Variants in NRXN3 observed in about 807,000 individuals in gnomAD.
NRXN3 encodes neurexin 3.
Under a neutral mutation model 137.6 loss-of-function variants are expected in NRXN3, and 32 were observed. The observed-to-expected ratio is 0.23, with a 90% CI of 0.18 to 0.31. The LOEUF is 0.31. NRXN3 is among the 10% of genes least tolerant of loss of function. NRXN3 has a pLI of 1.00. For missense variants in NRXN3, 1,574 were observed against 2,062.5 expected (o/e 0.76, Z 4.59); for synonymous variants, 798 against 784.5 (o/e 1.02, Z -0.29).
intron 4 of NRXN3, among the ~76,000 whole-genome samples, chr14:78,567,588 G>A (rs2096848033): frequency 6.6e-6 from 1 of 152,156 alleles, no homozygotes; most frequent in Non-Finnish European, 1.5e-5. Flanking sequence ...GCCAGTGAGT[G>A]TCTCCTAGTT....
intron 1 of NRXN3, chr14:78,231,297 G>A (rs2065357806): frequency 6.6e-6 from 1 of 152,274 alleles, no homozygotes; most frequent in Admixed American, 6.5e-5. Context: ...TTTGGCAGAG[G>A]TCAGGGGTGT....
chr14:78,720,379 A>G (rs1430830622), intron 8 of NRXN3, among the ~76,000 whole-genome samples: 1 of 152,202 alleles, frequency 6.6e-6, no homozygotes, highest in African/African-American at 2.4e-5. Flanking sequence ...ATTCTTGAAT[A>G]TACTGGAAGA....
chr14:78,255,489 T>C (rs571686536), intron 2 of NRXN3, among the ~76,000 whole-genome samples: 1 of 152,386 alleles, frequency 6.6e-6, no homozygotes, highest in East Asian at 1.9e-4. Context: ...AGATTGGGGC[T>C]ATTTTTTCCT....
intron 16 of NRXN3, among the ~76,000 whole-genome samples, chr14:79,584,850 G>A (rs1156441456): frequency 1.3e-5 from 2 of 152,138 alleles, no homozygotes; most frequent in Non-Finnish European, 2.9e-5. Flanking sequence ...GCATGAATCA[G>A]CAGGAGAGAG....
chr14:78,211,989 A>G (rs1324065341), intron 1 of NRXN3, among the ~76,000 whole-genome samples: 2 of 152,182 alleles, frequency 1.3e-5, no homozygotes, highest in African/African-American at 4.8e-5. Flanking sequence ...TTTAGAAAGT[A>G]TGGGAGCTTC....
In NRXN3 at chr14:78,976,170, G is replaced by A. The variant is rs370720527; in HGVS notation, c.3142+7824G>A. Among the ~76,000 whole-genome samples, 3 of 152,352 alleles carry A rather than the reference G, an allele frequency of 2.0e-5. No individual in the cohort carries two copies. The East Asian group carries it at 5.8e-4, about 29-fold the overall frequency. ...AAATATTAAGATTGACCTGTTTGGT[G>A]TGAGGCAGATGACATAAATTATGAG... On this transcript the variant is annotated intron_variant, in intron 14 of 20. Coordinates refer to ENST00000335750, the MANE Select transcript of NRXN3 (RefSeq NM_001330195.2).
chr14:78,556,033 G>A (rs1044310835), intron 4 of NRXN3, among the ~76,000 whole-genome samples: 1 of 152,214 alleles, frequency 6.6e-6, no homozygotes, highest in African/African-American at 2.4e-5. Context: ...CAAAGGCAAG[G>A]TTCCTATGTG....
chr14:78,178,941 T>C (rs1372158947), intron 1 of NRXN3, among the ~76,000 whole-genome samples: 2 of 152,070 alleles, frequency 1.3e-5, no homozygotes, highest in East Asian at 1.9e-4. Flanking sequence ...GAGGTCTGGA[T>C]AGGAACTCTG....
intron 8 of NRXN3, among the ~76,000 whole-genome samples, chr14:78,723,945 G>T (rs1278253036): frequency 6.6e-6 from 1 of 152,076 alleles, no homozygotes; most frequent in Non-Finnish European, 1.5e-5. Context: ...GGTGTATTTG[G>T]AATTAAAATG....
chr14:78,882,982 C>T (rs2099133626), intron 10 of NRXN3, among the ~76,000 whole-genome samples: 2 of 152,050 alleles, frequency 1.3e-5, no homozygotes, highest in African/African-American at 4.8e-5. Context: ...TGAGTGAGTT[C>T]TCACAAGAGC....
intron 16 of NRXN3, among the ~76,000 whole-genome samples, chr14:79,625,830 A>C (rs980725138): frequency 2.0e-5 from 3 of 152,184 alleles, no homozygotes; most frequent in African/African-American, 7.2e-5. Context: ...GTAGCAGTTA[A>C]GAACTCAGGG....
chr14:79,132,016 A>G (rs1028476351), intron 15 of NRXN3, among the ~76,000 whole-genome samples: 1 of 152,260 alleles, frequency 6.6e-6, no homozygotes, highest in Non-Finnish European at 1.5e-5. Context: ...CGAGTGAGGC[A>G]ATGCCTCGCC....
At chr14:79,567,776 G>T (rs933290347) in intron 16 of NRXN3, among the ~76,000 whole-genome samples, 3 of 152,112 alleles carry the variant, frequency 2.0e-5, no homozygotes, top group African/African-American at 7.2e-5. Context: ...GCGTGGGCTG[G>T]ACTATGCTTT....
At chr14:79,155,199 A>G (rs1325681393) in intron 15 of NRXN3, among the ~76,000 whole-genome samples, 1 of 151,940 alleles carries the variant, frequency 6.6e-6, no homozygotes, top group Non-Finnish European at 1.5e-5. Flanking sequence ...ATATAAAGCT[A>G]TGTGTTTCAG....
At chr14:79,646,497 G>C (rs2098453884) in intron 16 of NRXN3, among the ~76,000 whole-genome samples, 1 of 135,846 alleles carries the variant, frequency 7.4e-6, no homozygotes, top group Non-Finnish European at 1.7e-5. Flanking sequence ...AAGGCTTTCA[G>C]CAGTCAGCAG....
At chr14:79,522,524 C>T (rs552168980) in intron 16 of NRXN3, among the ~76,000 whole-genome samples, 1 of 152,126 alleles carries the variant, frequency 6.6e-6, no homozygotes, top group African/African-American at 2.4e-5. Flanking sequence ...CAGGAGATAG[C>T]AAGACTTAAG....
chr14:79,804,526 G>T (rs1207035232), intron 19 of NRXN3, among the ~76,000 whole-genome samples: 2 of 152,076 alleles, frequency 1.3e-5, no homozygotes, highest in African/African-American at 4.8e-5. Flanking sequence ...CATGCTACTG[G>T]TCTACATTAC....
chr14:79,357,715 GAT>G lies in NRXN3; in HGVS notation c.3263-109496_3263-109495del, dbSNP rs199705574. Among the ~76,000 whole-genome samples, 957 of 152,028 alleles carry G rather than the reference GAT, an allele frequency of 6.3e-3. 8 individuals are homozygous for G. The highest frequency in any genetic ancestry group is 0.022 in the African/African-American group (914 of 41,452). On this transcript the variant is annotated intron_variant, in intron 15 of 20. Transcript: ENST00000335750. ...GGATTTAAGAAAAATAAAATAAACT[GAT>G]ATATATATACATACCTTTAGAAGGA...
chr14:79,531,732 T>C (rs541723533), intron 16 of NRXN3, among the ~76,000 whole-genome samples: 14 of 152,304 alleles, frequency 9.2e-5, no homozygotes, highest in African/African-American at 3.1e-4. Context: ...GACCATGATA[T>C]CCAGTTTAAT....
Sources: allele counts gnomAD v4.1 joint callset (sites outside exome capture counted in the v4.1 genomes callset), GRCh38; gene constraint gnomAD v4.1.1; transcripts MANE v1.5; gene names NCBI Gene and HGNC (gene_info 2026-07-23, HGNC 2026-07-21).